ARHGEF3: variants seen among roughly 807,000 people sequenced by gnomAD.
ARHGEF3 encodes the protein 59.8 kDA protein.
In ARHGEF3, 28 loss-of-function variants were observed where a neutral mutation model predicts 63.2. That is an observed-to-expected ratio of 0.44 (90% CI 0.33 to 0.61). ARHGEF3 has a LOEUF of 0.61. Among genes scored for constraint, ARHGEF3 ranks in the 20% least tolerant of loss-of-function variants. ARHGEF3 has a pLI of 0.03. For synonymous variants in ARHGEF3, 266 were observed against 254.2 expected, an observed-to-expected ratio of 1.05 and a Z score of -0.44; for missense variants, 533 against 659.3, an observed-to-expected ratio of 0.81 and a Z score of 2.10.
intron 1 of ARHGEF3, among the ~76,000 whole-genome samples, chr3:56,795,655 C>CTCTTTTTTTTTTTTTTTT (rs57400467): frequency 7.7e-6 from 1 of 130,544 alleles, no homozygotes. Context: ...GTCTCTCTCT[C>CTCTTTTTTTTTTTTTTTT]TTTTTTTTTT....
chr3:56,807,475 CTCTG>C (rs2037904776), intron 4 of ARHGEF3, among the ~76,000 whole-genome samples: 1 of 152,302 alleles, frequency 6.6e-6, no homozygotes, highest in South Asian at 2.1e-4. Flanking sequence ...ATATGTGTAC[CTCTG>C]TTTGCTTTCC....
intron 3 of ARHGEF3, among the ~76,000 whole-genome samples, chr3:56,946,479 T>C (rs563386499): frequency 6.6e-6 from 1 of 152,294 alleles, no homozygotes; most frequent in East Asian, 1.9e-4. Context: ...ACGTGATGAA[T>C]GCACTAGCCT....
chr3:56,942,005 G>A (rs560514455), intron 3 of ARHGEF3, among the ~76,000 whole-genome samples: 10 of 152,274 alleles, frequency 6.6e-5, no homozygotes, highest in Middle Eastern at 3.4e-3. Context: ...GTGGGTCTTT[G>A]GGGATGATTC....
At chr3:57,008,313 C>T (rs1237311766) in intron 2 of ARHGEF3, among the ~76,000 whole-genome samples, 1 of 152,096 alleles carries the variant, frequency 6.6e-6, no homozygotes, top group Non-Finnish European at 1.5e-5. Context: ...CTTCCTGGGG[C>T]TCCTGTGGTC....
intron 1 of ARHGEF3, among the ~76,000 whole-genome samples, chr3:57,077,440 G>A (rs1215273830): frequency 1.3e-5 from 2 of 152,118 alleles, no homozygotes; most frequent in African/African-American, 2.4e-5. Context: ...CAAGTGCCTC[G>A]TGTAGATTTC....
intron 8 of ARHGEF3, among the ~76,000 whole-genome samples, chr3:56,736,808 G>A (rs561033448): frequency 3.3e-5 from 5 of 152,182 alleles, no homozygotes; most frequent in East Asian, 3.9e-4. Context: ...TTGAAAGAAC[G>A]AAGGACAGGC....
chr3:56,862,373 T>G (rs914134719), intron 4 of ARHGEF3, among the ~76,000 whole-genome samples: 1 of 152,170 alleles, frequency 6.6e-6, no homozygotes, highest in Admixed American at 6.6e-5. Context: ...AAATACTCTT[T>G]CCCTGAATCC....
At chr3:56,954,137 G>A (rs867897330) in intron 3 of ARHGEF3, among the ~76,000 whole-genome samples, 1 of 152,070 alleles carries the variant, frequency 6.6e-6, no homozygotes, top group Non-Finnish European at 1.5e-5. Context: ...AGACAAAAAG[G>A]GCTCTGAAAT....
chr3:56,908,319 C>A lies in ARHGEF3; in HGVS notation c.130-25965G>T, dbSNP rs570612406. 2.0e-5 allele frequency among the ~76,000 whole-genome samples: 3 copies of A among 152,208 alleles called. No individual in the cohort carries two copies. In the South Asian group the frequency reaches 6.2e-4, roughly 32 times the overall value. On this transcript the variant is annotated intron_variant, in intron 3 of 12. Coordinates refer to the ARHGEF3 transcript ENST00000338458. Reference sequence around the variant, plus strand: ...TAAGATTTCCAGGACTCTGCAGGAACAAATTCCTCCCTTGCTCTGTCTGTA... The same window carrying A: ...TAAGATTTCCAGGACTCTGCAGGAAAAAATTCCTCCCTTGCTCTGTCTGTA...
chr3:56,862,276 A>T (rs1181335850), intron 4 of ARHGEF3, among the ~76,000 whole-genome samples: 1 of 152,094 alleles, frequency 6.6e-6, no homozygotes, highest in African/African-American at 2.4e-5. Flanking sequence ...CCTACTCCAC[A>T]AATCCCCCTA....
At position 57,031,223 on chromosome 3, in the gene ARHGEF3, A is replaced by G. The variant is rs542958760; in HGVS notation, c.62+3865T>C. On this transcript the variant is annotated intron_variant, in intron 2 of 12. Transcript: ENST00000338458. ...ACAAGAGGTGAGACGTAGCCCCATGAGGTTTGCAGTCCAATAGGTGAAAGA... is the reference window on the plus strand; with the variant it reads ...ACAAGAGGTGAGACGTAGCCCCATGGGGTTTGCAGTCCAATAGGTGAAAGA... Among the ~76,000 whole-genome samples, 23 of 152,360 alleles carry G rather than the reference A, an allele frequency of 1.5e-4. 1 individual carries two copies. In the South Asian group the frequency reaches 4.8e-3, roughly 32 times the overall value.
At chr3:56,814,726 T>C (rs2038204033) in intron 4 of ARHGEF3, among the ~76,000 whole-genome samples, 1 of 152,318 alleles carries the variant, frequency 6.6e-6, no homozygotes, top group Non-Finnish European at 1.5e-5. Context: ...CAACACTCCT[T>C]GCTTCCAAAG....
At chr3:57,072,140 G>T (rs1012418404) in intron 1 of ARHGEF3, among the ~76,000 whole-genome samples, 1 of 152,176 alleles carries the variant, frequency 6.6e-6, no homozygotes, top group Non-Finnish European at 1.5e-5. Flanking sequence ...TGAAGATGTG[G>T]AGAAACTGGA....
intron 3 of ARHGEF3, among the ~76,000 whole-genome samples, chr3:56,887,177 A>G: frequency 6.6e-6 from 1 of 152,174 alleles, no homozygotes; most frequent in East Asian, 1.9e-4. Flanking sequence ...CTTGCCATCC[A>G]GAATGTCTGG....
At chr3:57,053,255 G>A (rs138689606) in intron 1 of ARHGEF3, among the ~76,000 whole-genome samples, 4 of 152,230 alleles carry the variant, frequency 2.6e-5, no homozygotes, top group East Asian at 1.9e-4. Flanking sequence ...GATGGTTAGC[G>A]AGCGCTCACT....
intron 3 of ARHGEF3, among the ~76,000 whole-genome samples, chr3:56,956,554 G>A (rs747475568): frequency 6.6e-6 from 1 of 152,120 alleles, no homozygotes; most frequent in Admixed American, 6.5e-5. Context: ...ATTTTTCAAG[G>A]GAAAACAGTT....
intron 2 of ARHGEF3, among the ~76,000 whole-genome samples, chr3:57,015,358 G>A (rs1702946770): frequency 6.6e-6 from 1 of 152,186 alleles, no homozygotes; most frequent in African/African-American, 2.4e-5. Flanking sequence ...CAATGAAACT[G>A]AAGCTTAGGG....
chr3:56,744,687 T>C (rs2034269252), intron 7 of ARHGEF3, among the ~76,000 whole-genome samples: 1 of 152,062 alleles, frequency 6.6e-6, no homozygotes, highest in South Asian at 2.1e-4. Flanking sequence ...ATTACAGGCA[T>C]GAGCCATCGT....
intron 4 of ARHGEF3, among the ~76,000 whole-genome samples, chr3:56,860,173 T>A (rs565954362): frequency 4.6e-5 from 7 of 152,230 alleles, no homozygotes; most frequent in African/African-American, 1.4e-4. Flanking sequence ...TTGTTCATAT[T>A]TATTTTTTAT....
Sources: allele counts gnomAD v4.1 joint callset (sites outside exome capture counted in the v4.1 genomes callset), GRCh38; gene constraint gnomAD v4.1.1; transcripts MANE v1.5; gene names NCBI Gene and HGNC (gene_info 2026-07-23, HGNC 2026-07-21).